Variants in SLC29A3 observed in about 807,000 individuals in gnomAD.
SLC29A3 encodes solute carrier family 29 member 3.
A neutral mutation model predicts 25.4 loss-of-function variants in SLC29A3; 18 were observed. That is an observed-to-expected ratio of 0.71 (90% CI 0.49 to 1.05). SLC29A3 has a LOEUF of 1.05. Among genes scored for constraint, SLC29A3 ranks in the 50% least tolerant of loss-of-function variants. SLC29A3 has a pLI of 0.00. For synonymous variants in SLC29A3, 258 were observed against 267.1 expected (o/e 0.97, Z 0.33); for missense variants, 586 against 609.0 (o/e 0.96, Z 0.40).
chr10:71,378,634 C>T (rs540858566), intron 4 of SLC29A3, among the ~76,000 whole-genome samples: 4 of 152,224 alleles, frequency 2.6e-5, no homozygotes, highest in Non-Finnish European at 5.9e-5. Context: ...CCTACTACTA[C>T]CCTGTACCTA....
At chr10:71,350,073 G>A (rs1399834301) in intron 3 of SLC29A3, among the ~76,000 whole-genome samples, 3 of 152,206 alleles carry the variant, frequency 2.0e-5, no homozygotes, top group African/African-American at 7.2e-5. Context: ...CATGTTAACA[G>A]ACTGAGTGAT....
chr10:71,356,302 T>G, intron 5 of SLC29A3, 59 bp downstream of exon 5: 1 of 1,592,186 alleles, frequency 6.3e-7, no homozygotes, highest in Middle Eastern at 1.7e-4. Context: ...TAGCCATGCT[T>G]CTTTTTCTCA....
At chr10:71,354,713 G>A (rs1026419950) in intron 4 of SLC29A3, among the ~76,000 whole-genome samples, 3 of 152,330 alleles carry the variant, frequency 2.0e-5, no homozygotes, top group Middle Eastern at 3.4e-3. Flanking sequence ...ATCCTCTGAA[G>A]TGGGCAGGTT....
At chr10:71,330,798 C>T (rs74147849) in intron 2 of SLC29A3, among the ~76,000 whole-genome samples, 12,085 of 152,194 alleles carry the variant, frequency 0.079, 682 homozygotes, top group African/African-American at 0.16. Flanking sequence ...CATTCATTAA[C>T]TCAGCAATAT....
chr10:71,366,483 T>C (rs1847171634), downstream of SLC29A3: 1 of 152,178 alleles, frequency 6.6e-6, no homozygotes, highest in Non-Finnish European at 1.5e-5. Context: ...TGCCCAACCA[T>C]TTTTCTCCTT....
chr10:71,351,116 C>T (rs1202776443), intron 3 of SLC29A3, among the ~76,000 whole-genome samples: 4 of 152,208 alleles, frequency 2.6e-5, no homozygotes. Flanking sequence ...TGGGTGGCTG[C>T]TCTGTTTAAA....
intron 3 of SLC29A3, among the ~76,000 whole-genome samples, chr10:71,370,697 GC>G (rs1208449784): frequency 6.6e-5 from 10 of 151,868 alleles, no homozygotes; most frequent in Non-Finnish European, 1.3e-4. Context: ...ACTGTGCCCA[GC>G]TTTTTAAAAA....
At chr10:71,376,388 C>T (rs565925331) in intron 4 of SLC29A3, among the ~76,000 whole-genome samples, 1 of 31,188 alleles carries the variant, frequency 3.2e-5, no homozygotes, top group East Asian at 3.7e-4. Flanking sequence ...AAATCTGGCC[C>T]TGTAGAGCTG....
intron 3 of SLC29A3, among the ~76,000 whole-genome samples, chr10:71,370,008 GA>G (rs1847199522): frequency 6.6e-6 from 1 of 152,206 alleles, no homozygotes; most frequent in African/African-American, 2.4e-5. Flanking sequence ...GAGTCAGGAT[GA>G]ACTTGTCCGG....
chr10:71,360,793 A>C lies in SLC29A3; in HGVS notation c.774-1161A>C, dbSNP rs7095479. 1.8e-3 allele frequency among the ~76,000 whole-genome samples: 280 copies of C among 152,344 alleles called. 2 individuals carry two copies. The highest frequency in any genetic ancestry group is 6.4e-3 in the African/African-American group (265 of 41,580). On this transcript the variant is annotated intron_variant, in intron 5 of 5. Transcript: ENST00000373189. ...AAAAGTCGAGGCAACCTAAGTGTCC[A>C]TCAGTAGAGGAGCAGTTAAATTGTA...
intron 2 of SLC29A3, among the ~76,000 whole-genome samples, chr10:71,333,127 C>T (rs892969651): frequency 3.9e-5 from 6 of 152,232 alleles, no homozygotes; most frequent in African/African-American, 9.6e-5. Flanking sequence ...GTCCAGAGAG[C>T]GGAACCTAAA....
Position 71,373,611 on chromosome 10 carries a change from A to G in SLC29A3, c.*95-2084A>G, listed in dbSNP as rs10999789. Among the ~76,000 whole-genome samples the G allele has an allele frequency of 3.3e-5, 5 of 152,332 alleles. No homozygotes were observed. In the East Asian group the frequency reaches 9.6e-4, roughly 29 times the overall value. On this transcript the variant is annotated intron_variant and NMD_transcript_variant, in intron 3 of 4. Transcript: ENST00000642772. ...TTGTGAACTGCAAAAAGCGTATCAGATATTAGCTCTTATTATTATCCTGCC... is the reference window on the plus strand; with the variant it reads ...TTGTGAACTGCAAAAAGCGTATCAGGTATTAGCTCTTATTATTATCCTGCC...
At chr10:71,346,395 G>A (rs1230098295) in intron 3 of SLC29A3, among the ~76,000 whole-genome samples, 3 of 152,194 alleles carry the variant, frequency 2.0e-5, no homozygotes, top group South Asian at 4.1e-4. Flanking sequence ...CCAAGGGAAG[G>A]TGGCCATTAA....
downstream of SLC29A3, chr10:71,364,388 C>A (rs1161865247): frequency 6.6e-6 from 1 of 152,138 alleles, no homozygotes; most frequent in Non-Finnish European, 1.5e-5. Context: ...TCTGGGGGGG[C>A]TGTGGCCCCT....
At chr10:71,319,513 T>C in intron 1 of SLC29A3, 1 of 422,618 alleles carries the variant, frequency 2.4e-6, no homozygotes, top group South Asian at 5.4e-5. Flanking sequence ...GTCTCTATCT[T>C]CTCTTCCCCA....
chr10:71,380,765 C>T (rs936869907), exon 5 of SLC29A3: 1 of 152,204 alleles, frequency 6.6e-6, no homozygotes, highest in Admixed American at 6.5e-5. Context: ...AAACCGACCC[C>T]CTACTCCCAC....
At chr10:71,344,883 T>C (rs992552533) in intron 3 of SLC29A3, among the ~76,000 whole-genome samples, 4 of 152,240 alleles carry the variant, frequency 2.6e-5, no homozygotes, top group Non-Finnish European at 4.4e-5. Flanking sequence ...GCATTTCTCC[T>C]AAGCTGCCAC....
chr10:71,350,314 CGTGT>C (rs775651402), intron 3 of SLC29A3, among the ~76,000 whole-genome samples: 2,709 of 142,548 alleles, frequency 0.019, 62 homozygotes, highest in African/African-American at 0.058. Flanking sequence ...TTCACACCTA[CGTGT>C]GTGTGTGTGT....
intron 2 of SLC29A3, among the ~76,000 whole-genome samples, chr10:71,331,809 C>T (rs991448909): frequency 6.6e-6 from 1 of 152,190 alleles, no homozygotes; most frequent in African/African-American, 2.4e-5. Flanking sequence ...GTAAGTAACT[C>T]GTTGGTGCCA....
Sources: gnomAD v4.1 joint callset for allele counts (sites outside exome capture counted in the v4.1 genomes callset) on GRCh38, gnomAD v4.1.1 for gene constraint, MANE v1.5 for transcripts, NCBI Gene and HGNC (gene_info 2026-07-23, HGNC 2026-07-21) for gene names.